PLCB4: variants seen among roughly 807,000 people sequenced by gnomAD.
PLCB4 encodes the protein 1-phosphatidylinositol 4,5-bisphosphate phosphodiesterase beta-4.
Under a neutral mutation model 178.8 loss-of-function variants are expected in PLCB4, and 77 were observed. The ratio of observed to expected loss-of-function variants is 0.43; its 90% CI spans 0.36 to 0.52. The LOEUF is 0.52. PLCB4 is among the 20% of genes least tolerant of loss of function. The pLI is 0.00. For missense variants in PLCB4, 1,024 were observed against 1,453.4 expected (o/e 0.70, Z 4.80); for synonymous variants, 496 against 490.8 (o/e 1.01, Z -0.14).
chr20:9,177,889 T>A (rs952933535), intron 2 of PLCB4, among the ~76,000 whole-genome samples: 1 of 152,236 alleles, frequency 6.6e-6, no homozygotes, highest in Admixed American at 6.5e-5. Context: ...AAGATACTTA[T>A]CTCATCTTTC....
Position 9,479,099 on chromosome 20 carries a change from A to G in PLCB4, c.*90A>G. The G allele has an allele frequency of 1.2e-6, 1 of 867,090 alleles. No homozygotes were observed. Among genetic ancestry groups the G allele is most frequent in the Middle Eastern group, 2.2e-4 (1 of 4,578 alleles). The allele number at this position is 867,090 out of a possible 1,614,324, so 53.7% of individuals were successfully genotyped here. ...GAAAGCTGTTTATTTTGTTTCCTTT[A>G]TGTGTAAACAAGATGATATCTGAAA... On this transcript the variant is annotated 3_prime_UTR_variant, in exon 40 of 40. Transcript: ENST00000378473.
At chr20:9,168,691 T>C (rs1237158629) in intron 2 of PLCB4, among the ~76,000 whole-genome samples, 2 of 152,196 alleles carry the variant, frequency 1.3e-5, no homozygotes, top group Non-Finnish European at 2.9e-5. Context: ...TTTCACTTAA[T>C]GGACATTGTC....
intron 20 of PLCB4, among the ~76,000 whole-genome samples, chr20:9,402,848 G>T (rs1366817560): frequency 2.6e-5 from 4 of 152,312 alleles, no homozygotes; most frequent in African/African-American, 9.6e-5. Flanking sequence ...GAAAGAGAAA[G>T]AATTCAGGAG....
intron 3 of PLCB4, among the ~76,000 whole-genome samples, chr20:9,298,372 CCTGT>C (rs1477008164): frequency 2.0e-5 from 3 of 152,040 alleles, no homozygotes. Flanking sequence ...CTCTTGTTAA[CCTGT>C]CTTTTGTTAT....
intron 2 of PLCB4, among the ~76,000 whole-genome samples, chr20:9,156,344 G>C (rs7345054): frequency 2.0e-5 from 3 of 152,092 alleles, no homozygotes; most frequent in Admixed American, 2.0e-4. Context: ...CTATGTGCTA[G>C]GTACAGTTCT....
chr20:9,201,610 A>C (rs2093547132), intron 2 of PLCB4, among the ~76,000 whole-genome samples: 1 of 152,228 alleles, frequency 6.6e-6, no homozygotes, highest in South Asian at 2.1e-4. Context: ...TTAAAGGTAG[A>C]AAGGTAGAAA....
At chr20:9,321,202 T>A (rs901652659) in intron 4 of PLCB4, among the ~76,000 whole-genome samples, 2 of 152,202 alleles carry the variant, frequency 1.3e-5, no homozygotes, top group African/African-American at 4.8e-5. Flanking sequence ...AAATGAGATT[T>A]TCCACAGTTT....
chr20:9,084,346 AGT>A (rs2146531725), intron 1 of PLCB4, among the ~76,000 whole-genome samples: 1 of 152,326 alleles, frequency 6.6e-6, no homozygotes, highest in Admixed American at 6.5e-5. Context: ...TAATTTGATA[AGT>A]AATGTGTATT....
chr20:9,220,559 C>T (rs758523562), intron 3 of PLCB4, among the ~76,000 whole-genome samples: 3 of 152,158 alleles, frequency 2.0e-5, no homozygotes, highest in Non-Finnish European at 2.9e-5. Flanking sequence ...TTGCTTCAAC[C>T]CAGGAGGCGG....
intron 3 of PLCB4, among the ~76,000 whole-genome samples, chr20:9,293,861 GAGTAAATAACCAGTA>G (rs958731900): frequency 2.0e-5 from 3 of 152,194 alleles, no homozygotes; most frequent in East Asian, 1.9e-4. Context: ...AAGTTTAGGG[GAGTAAATAACCAGTA>G]AGTAAATAAC....
At chr20:9,202,971 G>A (rs1319490740) in intron 2 of PLCB4, among the ~76,000 whole-genome samples, 2 of 148,606 alleles carry the variant, frequency 1.3e-5, no homozygotes, top group Non-Finnish European at 3.0e-5. Flanking sequence ...ATCGCACTGT[G>A]TTGTGCCCCA....
At chr20:9,380,291 T>TTTTCC in intron 13 of PLCB4, 129 bp downstream of exon 13, 1 of 533,490 alleles carries the variant, frequency 1.9e-6, no homozygotes, top group Non-Finnish European at 3.4e-6. Flanking sequence ...GACTATTTTT[T>TTTTCC]TTTCCTGCTC....
chr20:9,277,875 G>A (rs185613952), intron 3 of PLCB4, among the ~76,000 whole-genome samples: 106 of 152,062 alleles, frequency 7.0e-4, no homozygotes, highest in African/African-American at 2.4e-3. Context: ...TTTTTTGCAA[G>A]TTTTGTTCAC....
At chr20:9,251,409 G>A (rs2094179016) in intron 3 of PLCB4, among the ~76,000 whole-genome samples, 1 of 152,132 alleles carries the variant, frequency 6.6e-6, no homozygotes, top group Admixed American at 6.5e-5. Flanking sequence ...CATTTAAAAA[G>A]CACTGATTTT....
At chr20:9,083,570 G>A (rs1478443369) in intron 1 of PLCB4, among the ~76,000 whole-genome samples, 1 of 152,168 alleles carries the variant, frequency 6.6e-6, no homozygotes, top group African/African-American at 2.4e-5. Flanking sequence ...ATTGTGCCCT[G>A]GGCCTTCAGA....
chr20:9,142,255 G>A (rs2146877887), intron 2 of PLCB4, among the ~76,000 whole-genome samples: 1 of 152,174 alleles, frequency 6.6e-6, no homozygotes, highest in African/African-American at 2.4e-5. Flanking sequence ...GGAAGAATGG[G>A]TGGATTTTCA....
At chr20:9,187,913 C>T (rs2093350426) in intron 2 of PLCB4, among the ~76,000 whole-genome samples, 1 of 152,158 alleles carries the variant, frequency 6.6e-6, no homozygotes, top group Admixed American at 6.5e-5. Context: ...TCTTATAGGT[C>T]TCTCAGTTTT....
At chr20:9,301,679 C>G (rs1483345717) in intron 3 of PLCB4, among the ~76,000 whole-genome samples, 1 of 152,130 alleles carries the variant, frequency 6.6e-6, no homozygotes, top group Non-Finnish European at 1.5e-5. Flanking sequence ...GACAGCCCAC[C>G]TCAGCCCCCT....
intron 3 of PLCB4, among the ~76,000 whole-genome samples, chr20:9,296,849 G>T (rs1292386159): frequency 1.3e-5 from 2 of 152,028 alleles, no homozygotes; most frequent in African/African-American, 4.8e-5. Context: ...CACACACAGG[G>T]GCCTGTTGTG....
Sources: gnomAD v4.1 joint callset for allele counts (sites outside exome capture counted in the v4.1 genomes callset) on GRCh38, gnomAD v4.1.1 for gene constraint, MANE v1.5 for transcripts, NCBI Gene and HGNC (gene_info 2026-07-23, HGNC 2026-07-21) for gene names.